AGAP5: variants seen among roughly 807,000 people sequenced by gnomAD.
AGAP5 encodes ArfGAP with GTPase domain, ankyrin repeat and PH domain 5.
In AGAP5, 8 loss-of-function variants were observed where a neutral mutation model predicts 27.7. The ratio of observed to expected loss-of-function variants is 0.29; its 90% CI spans 0.17 to 0.52. The LOEUF is 0.52. Ranked by LOEUF, AGAP5 falls within the 20% of genes least tolerant of loss-of-function variation. The pLI is 0.97. For synonymous variants in AGAP5, 111 were observed against 338.0 expected (o/e 0.33, Z 7.37); for missense variants, 285 against 880.8 (o/e 0.32, Z 8.56).
chr10:73,697,470 A>G (rs76514657), intron 1 of AGAP5, 63 bp downstream of exon 1: 2 of 1,603,870 alleles, frequency 1.2e-6, no homozygotes, highest in Admixed American at 3.3e-5. Context: ...CCGTAAAGGG[A>G]ACCTTGGGGA....
chr10:73,689,186 G>A (rs1377221845), intron 4 of AGAP5, among the ~76,000 whole-genome samples: 1 of 152,264 alleles, frequency 6.6e-6, no homozygotes. Context: ...ACGGGGTTTC[G>A]CTCTGTTGGC....
At chr10:73,691,499 T>TC (rs1344614503) in intron 4 of AGAP5, among the ~76,000 whole-genome samples, 4 of 151,240 alleles carry the variant, frequency 2.6e-5, no homozygotes, top group African/African-American at 7.3e-5. Flanking sequence ...GCACTTTTTT[T>TC]TTTTTTTTTT....
chr10:73,676,345 T>A (rs1382909286), intron 7 of AGAP5, among the ~76,000 whole-genome samples: 26 of 132,616 alleles, frequency 2.0e-4, no homozygotes, highest in African/African-American at 6.4e-4. Context: ...CTGGGCATGG[T>A]GTCACATGCC....
Position 73,679,354 on chromosome 10 carries a change from G to A in AGAP5, c.533+717C>T, listed in dbSNP as rs527481511. ...AGTTTTTGTATTTTTAGTAGAGACGGGGTTTCGCCGTGTTAGCCAGAATGG... is the reference window on the plus strand; with the variant it reads ...AGTTTTTGTATTTTTAGTAGAGACGAGGTTTCGCCGTGTTAGCCAGAATGG... On this transcript the variant is annotated intron_variant, in intron 6 of 7. Transcript: ENST00000374094. Among the ~76,000 whole-genome samples the A allele has an allele frequency of 1.3e-3, 193 of 152,004 alleles. 6 individuals are homozygous for A. In the South Asian group the frequency reaches 0.038, roughly 30 times the overall value.
intron 2 of AGAP5, among the ~76,000 whole-genome samples, chr10:73,695,964 A>G (rs1299559784): frequency 1.3e-5 from 2 of 151,976 alleles, no homozygotes; most frequent in Non-Finnish European, 2.9e-5. Flanking sequence ...ACCAGCTCCC[A>G]TCCCCTGCCT....
At chr10:73,686,689 A>C (rs1171634412) in intron 4 of AGAP5, among the ~76,000 whole-genome samples, 1 of 152,194 alleles carries the variant, frequency 6.6e-6, no homozygotes, top group Non-Finnish European at 1.5e-5. Context: ...AACTCAAACA[A>C]ATTACAATTA....
intron 4 of AGAP5, among the ~76,000 whole-genome samples, chr10:73,686,496 G>A (rs2082064733): frequency 6.6e-6 from 1 of 152,194 alleles, no homozygotes; most frequent in South Asian, 2.1e-4. Context: ...ACTGGCTTAG[G>A]CAAAGACTTC....
At chr10:73,678,276 G>A (rs2081996570) in intron 6 of AGAP5, among the ~76,000 whole-genome samples, 1 of 151,962 alleles carries the variant, frequency 6.6e-6, no homozygotes, top group African/African-American at 2.4e-5. Flanking sequence ...CACATCTGTG[G>A]TCCCAGCTAC....
At chr10:73,687,186 A>G (rs1212316409) in intron 4 of AGAP5, among the ~76,000 whole-genome samples, 1 of 152,198 alleles carries the variant, frequency 6.6e-6, no homozygotes, top group Non-Finnish European at 1.5e-5. Flanking sequence ...TAAAACAAAG[A>G]CTAAAGTTTA....
rs1401036038 is a variant in AGAP5 at position 73,697,572 on chromosome 10, G to A, written c.184C>T (p.Leu62Phe). 3 of 1,612,740 alleles carry A rather than the reference G, an allele frequency of 1.9e-6. No homozygotes were observed. The highest frequency in any genetic ancestry group is 2.5e-6 in the Non-Finnish European group (3 of 1,179,958). The change falls in exon 1 of 8, where the codon CTC (leucine) becomes TTC (phenylalanine). Residue 62 changes from leucine (L) to phenylalanine (F), a missense_variant. Coordinates refer to ENST00000374094, the MANE Select transcript of AGAP5 (RefSeq NM_001144000.4). The part of the protein sequence containing the change: ...AEVTVEVGED[L>F]HMHHIRDQEM... Reference sequence around the variant, plus strand: ...TGGTCACGAATGTGGTGCATGTGGAGGTCCTCACCAACTTCAACGGTCACC... The same window carrying A: ...TGGTCACGAATGTGGTGCATGTGGAAGTCCTCACCAACTTCAACGGTCACC...
intron 3 of AGAP5, among the ~76,000 whole-genome samples, chr10:73,693,932 A>C (rs796174486): frequency 6.6e-6 from 1 of 152,136 alleles, no homozygotes; most frequent in Non-Finnish European, 1.5e-5. Flanking sequence ...ATAGTAATGT[A>C]AAAAATGAAG....
In AGAP5 at chr10:73,675,361, G is replaced by A; in HGVS notation, c.1299C>T (p.Ala433=). Residue 433 remains alanine, a synonymous_variant, in exon 8 of 8, where the codon GCC becomes GCT. Transcript: ENST00000374094. Reference sequence around the variant, plus strand: ...TCTGGCTCTGGATGGCTTGGACCCAGGCATCCCGCTCCTCATACGTCGTGG... The same window carrying A: ...TCTGGCTCTGGATGGCTTGGACCCAAGCATCCCGCTCCTCATACGTCGTGG... ...FEATTYEERD[A]WVQAIQSQIL... 1 of 1,614,006 alleles carries A rather than the reference G, an allele frequency of 6.2e-7. No individual in the cohort carries two copies. The highest frequency in any genetic ancestry group is 8.5e-7 in the Non-Finnish European group (1 of 1,180,024).
At chr10:73,693,893 A>G (rs2082139651) in intron 3 of AGAP5, among the ~76,000 whole-genome samples, 1 of 152,134 alleles carries the variant, frequency 6.6e-6, no homozygotes, top group South Asian at 2.1e-4. Context: ...TCTTTTTGTT[A>G]TAAATTACCC....
intron 3 of AGAP5, among the ~76,000 whole-genome samples, chr10:73,693,698 CAA>C (rs200725473): frequency 2.1e-4 from 22 of 103,380 alleles, no homozygotes; most frequent in Admixed American, 3.1e-4. Context: ...GACTCCATTT[CAA>C]AAAAAAAAAA....
In AGAP5 at chr10:73,674,719, C is replaced by A. The variant is rs746390173; in HGVS notation, c.1941G>T (p.Gly647=). 14 of 1,611,968 alleles carry A rather than the reference C, an allele frequency of 8.7e-6. No individual in the cohort carries two copies. The highest frequency in any genetic ancestry group is 1.2e-5 in the Non-Finnish European group (14 of 1,179,872). ...VVLAQLLIWY[G]VDVMARDAHG... ...GGGCATCTCGGGCCATGACGTCCACCCCGTACCAGATCAGGAGCTGTGCCA... is the reference window on the plus strand; with the variant it reads ...GGGCATCTCGGGCCATGACGTCCACACCGTACCAGATCAGGAGCTGTGCCA... The change falls in exon 8 of 8, where the codon GGG becomes GGT. Residue 647 remains glycine (G), a synonymous_variant. Coordinates refer to ENST00000374094, the MANE Select transcript of AGAP5 (RefSeq NM_001144000.4).
intron 4 of AGAP5, among the ~76,000 whole-genome samples, chr10:73,685,591 C>T (rs1046706455): frequency 1.3e-5 from 2 of 149,828 alleles, no homozygotes; most frequent in Non-Finnish European, 3.0e-5. Flanking sequence ...CGCTCTGTTG[C>T]CCAGGCTGGA....
intron 2 of AGAP5, among the ~76,000 whole-genome samples, chr10:73,696,186 T>C (rs2082160242): frequency 6.6e-6 from 1 of 152,106 alleles, no homozygotes; most frequent in Non-Finnish European, 1.5e-5. Context: ...CTAATTTTTG[T>C]ATTTTTTTTT....
intron 4 of AGAP5, among the ~76,000 whole-genome samples, chr10:73,683,466 A>C (rs1443958215): frequency 7.4e-6 from 1 of 134,468 alleles, no homozygotes; most frequent in African/African-American, 2.7e-5. Context: ...TTATTTATTT[A>C]TTTATTTATT....
chr10:73,694,874 A>G (rs1589478826), intron 2 of AGAP5, 70 bp from the exon 3 acceptor site: 8 of 1,596,746 alleles, frequency 5.0e-6, no homozygotes, highest in Admixed American at 5.0e-5. Flanking sequence ...TCGTTTATTC[A>G]ACTGCTGCAT....
Sources: gnomAD v4.1 joint callset for allele counts (sites outside exome capture counted in the v4.1 genomes callset) on GRCh38, gnomAD v4.1.1 for gene constraint, MANE v1.5 for transcripts, NCBI Gene and HGNC (gene_info 2026-07-23, HGNC 2026-07-21) for gene names.